The following CYP4Z1 variants were observed in gnomAD, a reference collection of about 807,000 sequenced individuals.
CYP4Z1 encodes the protein cytochrome P450 4Z1.
CYP4Z1 carries 41 observed loss-of-function variants against 54.2 expected under a neutral mutation model. That is an observed-to-expected ratio of 0.76 (90% CI 0.59 to 0.98). CYP4Z1 has a LOEUF of 0.98. CYP4Z1 is among the 50% of genes least tolerant of loss of function. The probability of loss-of-function intolerance (pLI) is 0.00; values close to 1 mark genes in which losing one functional copy is unlikely to be tolerated. For synonymous variants in CYP4Z1, 163 were observed against 206.2 expected (o/e 0.79, Z 1.79); for missense variants, 513 against 599.0 (o/e 0.86, Z 1.50).
At chr1:47,067,166 GA>G (rs1369643649), upstream of CYP4Z1, among the ~76,000 whole-genome samples, 2 of 152,138 alleles carry the variant, frequency 1.3e-5, no homozygotes, top group African/African-American at 4.8e-5. Flanking sequence ...ATAGAGGTGT[GA>G]CAAAGGATGA....
intron 9 of CYP4Z1, among the ~76,000 whole-genome samples, chr1:47,112,522 C>T (rs1439258712): frequency 1.3e-5 from 2 of 148,360 alleles, no homozygotes; most frequent in African/African-American, 5.0e-5. Context: ...GATAACAAAC[C>T]TACTAAAAAT....
At chr1:47,087,725 C>T (rs1458523170) in intron 6 of CYP4Z1, among the ~76,000 whole-genome samples, 1 of 152,198 alleles carries the variant, frequency 6.6e-6, no homozygotes, top group Non-Finnish European at 1.5e-5. Flanking sequence ...GAACTTCCAA[C>T]ACTACATTGA....
intron 2 of CYP4Z1, among the ~76,000 whole-genome samples, chr1:47,079,673 A>T (rs1330045158): frequency 6.6e-6 from 1 of 152,276 alleles, no homozygotes; most frequent in Non-Finnish European, 1.5e-5. Context: ...GGAATTAGTT[A>T]AGAAGGGGTC....
At chr1:47,102,882 T>A (rs536451845) in intron 8 of CYP4Z1, among the ~76,000 whole-genome samples, 1 of 152,168 alleles carries the variant, frequency 6.6e-6, no homozygotes, top group Non-Finnish European at 1.5e-5. Context: ...ATTAGACTTA[T>A]GAAGTTGTTG....
chr1:47,084,595 T>C, intron 4 of CYP4Z1, 25 bp from the exon 5 acceptor site: 4 of 1,539,586 alleles, frequency 2.6e-6, no homozygotes, highest in Non-Finnish European at 3.5e-6. Context: ...ATGTGTATGA[T>C]CATGATATTC....
intron 10 of CYP4Z1, 93 bp from the exon 11 acceptor site, chr1:47,116,557 A>G: frequency 1.3e-6 from 1 of 779,672 alleles, no homozygotes; most frequent in South Asian, 2.2e-5. Context: ...AATTCTGTTA[A>G]CAATATCTAT....
At chr1:47,081,606 C>T (rs1250848147) in intron 3 of CYP4Z1, among the ~76,000 whole-genome samples, 1 of 134,352 alleles carries the variant, frequency 7.4e-6, no homozygotes, top group Admixed American at 7.3e-5. Flanking sequence ...CTCTCCCTCT[C>T]CTTAGATTTC....
intron 8 of CYP4Z1, 112 bp from the exon 9 acceptor site, chr1:47,106,016 T>G: frequency 2.2e-6 from 3 of 1,334,728 alleles, no homozygotes; most frequent in Non-Finnish European, 3.1e-6. Context: ...AGTCCTCCTT[T>G]GGGTAAAGAA....
At chr1:47,057,335 A>AAAAAAAATATATATAT in the CYP4Z1 span, among the ~76,000 whole-genome samples, 33 of 28,452 alleles carry the variant, frequency 1.2e-3, no homozygotes, top group Non-Finnish European at 1.9e-3. Context: ...AAGAAAAAAA[A>AAAAAAAATATATATAT]ATATATATAT....
At chr1:47,107,444 TC>T (rs1644764520) in intron 9 of CYP4Z1, among the ~76,000 whole-genome samples, 1 of 152,024 alleles carries the variant, frequency 6.6e-6, no homozygotes. Flanking sequence ...TAAAGAAGTT[TC>T]CTCTTTTTAA....
chr1:47,067,896 C>T (rs1193764698), intron 1 of CYP4Z1, among the ~76,000 whole-genome samples: 1 of 152,122 alleles, frequency 6.6e-6, no homozygotes, highest in Non-Finnish European at 1.5e-5. Context: ...CTGTGCTACC[C>T]ACCTCATAAA....
intron 7 of CYP4Z1, chr1:47,097,055 A>G (rs994997986): frequency 1.3e-5 from 2 of 151,964 alleles, no homozygotes; most frequent in Non-Finnish European, 2.9e-5. Flanking sequence ...AAGTGAGAAC[A>G]TGTGGTATTT....
intron 9 of CYP4Z1, among the ~76,000 whole-genome samples, chr1:47,113,200 T>G (rs1188203265): frequency 6.6e-6 from 1 of 152,188 alleles, no homozygotes; most frequent in Non-Finnish European, 1.5e-5. Flanking sequence ...TTTCTCATGC[T>G]TTCTCAAGTA....
intron 8 of CYP4Z1, among the ~76,000 whole-genome samples, chr1:47,104,100 C>A (rs1644739986): frequency 6.6e-6 from 1 of 152,088 alleles, no homozygotes; most frequent in Non-Finnish European, 1.5e-5. Context: ...TTTGAATTTG[C>A]TTTCATAGGG....
chr1:47,086,868 G>C (rs1270716019), intron 6 of CYP4Z1, among the ~76,000 whole-genome samples: 2 of 152,108 alleles, frequency 1.3e-5, no homozygotes, highest in Non-Finnish European at 2.9e-5. Flanking sequence ...ATTAATTTTT[G>C]TATAAGGTGT....
intron 6 of CYP4Z1, 137 bp from the exon 7 acceptor site, chr1:47,094,429 C>G: frequency 1.7e-6 from 1 of 590,998 alleles, no homozygotes; most frequent in Non-Finnish European, 3.0e-6. Flanking sequence ...TGGTACTGTC[C>G]CTTACCAACT....
chr1:47,106,540 A>T (rs1644759084), intron 9 of CYP4Z1, among the ~76,000 whole-genome samples: 1 of 152,118 alleles, frequency 6.6e-6, no homozygotes, highest in Admixed American at 6.5e-5. Flanking sequence ...AACTTAAAGG[A>T]CTAGATTTAT....
intron 7 of CYP4Z1, among the ~76,000 whole-genome samples, chr1:47,095,777 G>A (rs1266108271): frequency 1.3e-5 from 2 of 152,110 alleles, no homozygotes; most frequent in Non-Finnish European, 2.9e-5. Flanking sequence ...TTCTGGTTTG[G>A]TCCAAATCTC....
At chr1:47,101,022 A>G (rs1368640074) in intron 8 of CYP4Z1, among the ~76,000 whole-genome samples, 4 of 152,108 alleles carry the variant, frequency 2.6e-5, no homozygotes, top group Non-Finnish European at 5.9e-5. Flanking sequence ...CATTTCTTCT[A>G]GGTTTTCTAG....
Sources: gnomAD v4.1 joint callset for allele counts (sites outside exome capture counted in the v4.1 genomes callset) on GRCh38, gnomAD v4.1.1 for gene constraint, MANE v1.5 for transcripts, NCBI Gene and HGNC (gene_info 2026-07-23, HGNC 2026-07-21) for gene names.